The following EML5 variants were observed in gnomAD, a reference collection of about 807,000 sequenced individuals.
The protein encoded by EML5 is EMAP like 5.
EML5 carries 120 observed loss-of-function variants against 250.0 expected under a neutral mutation model. That is an observed-to-expected ratio of 0.48 (90% confidence interval 0.41 to 0.56). The LOEUF is 0.56. EML5 is among the 20% of genes least tolerant of loss of function. The pLI, the probability that EML5 is intolerant of heterozygous loss-of-function variation, is 0.00. For synonymous variants in EML5, 771 were observed against 806.5 expected (o/e 0.96, Z 0.75); for missense variants, 2,006 against 2,437.6 (o/e 0.82, Z 3.73).
At chr14:88,684,978 T>G in intron 20 of EML5, 37 bp downstream of exon 20, 1 of 1,568,142 alleles carries the variant, frequency 6.4e-7, no homozygotes, top group East Asian at 2.3e-5. Context: ...ATCAATTGTA[T>G]GTAAAGAAAA....
At chr14:88,660,318 T>C (rs1445276582) in intron 25 of EML5, among the ~76,000 whole-genome samples, 1 of 151,380 alleles carries the variant, frequency 6.6e-6, no homozygotes, top group Non-Finnish European at 1.5e-5. Context: ...GCATTGTATC[T>C]GGACTTGATA....
intron 1 of EML5, among the ~76,000 whole-genome samples, chr14:88,768,594 T>C (rs1239227319): frequency 1.3e-5 from 2 of 152,040 alleles, no homozygotes; most frequent in Middle Eastern, 3.2e-3. Context: ...GTATTTTTAG[T>C]ACAGACGGGG....
rs2094002676 is a variant in EML5, at chr14:88,746,219, T to C, written c.422A>G (p.Lys141Arg). Residue 141 changes from lysine to arginine, a missense_variant, in exon 3 of 44, where the codon AAA becomes AGA. This residue lies in a region of EML5 where 162 missense variants were observed against 212.2 expected (regional missense o/e 0.76). Coordinates refer to ENST00000554922, the MANE Select transcript of EML5 (RefSeq NM_183387.3). ...ATGACCAGGAGCCATAGACAACATT[T>C]TTCCCCTTTTCCAGTCCCAAACACA... ...AVCVWDWKRG[K>R]MLSMAPGHTD... is the part of the protein sequence containing the mutation. 1 of 1,613,254 alleles carries C rather than the reference T, an allele frequency of 6.2e-7. No individual in the cohort carries two copies. Among genetic ancestry groups the C allele is most frequent in the Non-Finnish European group, 8.5e-7 (1 of 1,179,554 alleles).
In EML5 at chr14:88,620,982, C is replaced by T; in HGVS notation, c.5203-56G>A. ...ATAGGAAACATTAAGTGAAGTACTT[C>T]TAAATTATACCAGTTTCCCCTCAAA... On this transcript the variant is annotated intron_variant, in intron 38 of 43. Transcript: ENST00000554922. The surrounding 1 kb of genome is among the most constrained non-coding windows in gnomAD (Gnocchi z 4.3). The T allele has an allele frequency of 6.8e-7, 1 of 1,466,678 alleles. No homozygotes were observed. The highest frequency in any genetic ancestry group is 9.0e-7 in the Non-Finnish European group (1 of 1,111,276). The allele number at this position is 1,466,678 out of a possible 1,614,324, so 90.9% of individuals were successfully genotyped here. A position where few individuals can be genotyped will look rare whatever the true frequency, so the allele number is the denominator to read the frequency against.
intron 1 of EML5, among the ~76,000 whole-genome samples, chr14:88,769,207 C>G (rs1020384889): frequency 6.6e-6 from 1 of 152,110 alleles, no homozygotes; most frequent in Non-Finnish European, 1.5e-5. Flanking sequence ...GGAGGTGGAG[C>G]CTGATAGGAG....
chr14:88,781,380 T>C (rs945939281), intron 1 of EML5, among the ~76,000 whole-genome samples: 2 of 152,202 alleles, frequency 1.3e-5, no homozygotes, highest in Non-Finnish European at 2.9e-5. Flanking sequence ...TCAAATGTAA[T>C]AGATTTATAA....
intron 37 of EML5, chr14:88,621,817 A>G (rs928704948): frequency 2.3e-6 from 1 of 442,954 alleles, no homozygotes; most frequent in Non-Finnish European, 4.5e-6. Flanking sequence ...ACATATCTAT[A>G]GGGCATAGGG....
At chr14:88,700,310 ATTGTT>A (rs2093180153) in intron 14 of EML5, among the ~76,000 whole-genome samples, 1 of 151,986 alleles carries the variant, frequency 6.6e-6, no homozygotes, top group African/African-American at 2.4e-5. Context: ...TTTTTTTTAA[ATTGTT>A]TTATTTGGGA....
chr14:88,735,209 T>A (rs2093821245), intron 7 of EML5, among the ~76,000 whole-genome samples: 1 of 152,220 alleles, frequency 6.6e-6, no homozygotes, highest in South Asian at 2.1e-4. Context: ...TTTCTGGTAT[T>A]AGGTCCTGTA....
At chr14:88,695,565 G>A in intron 15 of EML5, 111 bp from the exon 16 acceptor site, 1 of 1,051,700 alleles carries the variant, frequency 9.5e-7, no homozygotes, top group Non-Finnish European at 1.4e-6. Flanking sequence ...ATAAAATAAT[G>A]TTAAATGTTA....
chr14:88,721,520 G>T (rs551616612), intron 8 of EML5, among the ~76,000 whole-genome samples: 8 of 152,256 alleles, frequency 5.3e-5, no homozygotes, highest in African/African-American at 1.9e-4. Flanking sequence ...AGGGGGAAAG[G>T]ATCTCCTATT....
intron 1 of EML5, among the ~76,000 whole-genome samples, chr14:88,782,371 G>T (rs942916285): frequency 6.6e-6 from 1 of 152,194 alleles, no homozygotes; most frequent in African/African-American, 2.4e-5. Context: ...TCAGCCTGAT[G>T]ATGCAGTAGA....
At chr14:88,641,241 T>A (rs1212799355) in intron 31 of EML5, among the ~76,000 whole-genome samples, 1 of 151,852 alleles carries the variant, frequency 6.6e-6, no homozygotes, top group Non-Finnish European at 1.5e-5. Context: ...GAGTGGGCAC[T>A]CCTCTCTAAC....
chr14:88,703,961 G>C (rs1026795578), intron 13 of EML5, among the ~76,000 whole-genome samples: 1 of 152,104 alleles, frequency 6.6e-6, no homozygotes, highest in Non-Finnish European at 1.5e-5. Context: ...CTTACATAGT[G>C]CTTATTATGT....
chr14:88,781,474 C>T (rs1331690082), intron 1 of EML5, among the ~76,000 whole-genome samples: 1 of 152,190 alleles, frequency 6.6e-6, no homozygotes, highest in Non-Finnish European at 1.5e-5. Flanking sequence ...AATGATACTA[C>T]CACTAATTAT....
chr14:88,718,567 G>A (rs1401099423), intron 8 of EML5, among the ~76,000 whole-genome samples: 1 of 152,172 alleles, frequency 6.6e-6, no homozygotes, highest in African/African-American at 2.4e-5. Flanking sequence ...CAAGCTAAAT[G>A]AGAAGTGAAA....
chr14:88,701,670 C>T (rs1000296571), intron 14 of EML5, among the ~76,000 whole-genome samples: 2 of 152,126 alleles, frequency 1.3e-5, no homozygotes, highest in African/African-American at 2.4e-5. Flanking sequence ...GCAAGTTGAT[C>T]CCTTTTCCAC....
At chr14:88,716,531 G>C (rs2093496758) in intron 8 of EML5, among the ~76,000 whole-genome samples, 1 of 152,080 alleles carries the variant, frequency 6.6e-6, no homozygotes, top group African/African-American at 2.4e-5. Flanking sequence ...CTATTTGGCA[G>C]CTTTTACTTT....
chr14:88,657,707 T>A (rs570228579), intron 26 of EML5, among the ~76,000 whole-genome samples: 1 of 152,162 alleles, frequency 6.6e-6, no homozygotes, highest in Non-Finnish European at 1.5e-5. Flanking sequence ...TAAGTAATAA[T>A]AGCAGGTTAA....
Sources: gnomAD v4.1 joint callset for allele counts (sites outside exome capture counted in the v4.1 genomes callset) on GRCh38, gnomAD v4.1.1 for gene constraint, gnomAD v4.1.1 regional missense constraint, Gnocchi (gnomAD v3.1) non-coding constraint, MANE v1.5 for transcripts, NCBI Gene and HGNC (gene_info 2026-07-23, HGNC 2026-07-21) for gene names.